DIRAS1: variants seen among roughly 807,000 people sequenced by gnomAD.
The protein encoded by DIRAS1 is GTP-binding protein Di-Ras1.
DIRAS1 carries 3 observed loss-of-function variants against 11.5 expected under a neutral mutation model. That is an observed-to-expected ratio of 0.26 (90% CI 0.12 to 0.67). The LOEUF (loss-of-function observed/expected upper bound fraction) is 0.67. DIRAS1 is among the 30% of genes least tolerant of loss of function. The pLI is 0.80. For synonymous variants in DIRAS1, 128 were observed against 125.8 expected, an observed-to-expected ratio of 1.02 and a Z score of -0.12; for missense variants, 212 against 285.3, an observed-to-expected ratio of 0.74 and a Z score of 1.85.
In DIRAS1 at chr19:2,717,781, C is replaced by G; in HGVS notation, c.26G>C (p.Arg9Pro). MPEQSNDYRVVVFGAGGVG... is the reference protein window; with the variant it reads MPEQSNDYPVVVFGAGGVG... ...GCCGCCCGCCCCGAACACCACCACG[C>G]GGTAATCGTTACTCTGTTCCGGCAT... is the stretch of plus-strand genomic sequence containing the variant. Residue 9 changes from arginine to proline, a missense_variant, in exon 2 of 2, where the codon CGC becomes CCC. Arg to Pro is a moderately radical substitution (Grantham distance 103). This residue lies in a region of DIRAS1 where 128 missense variants were observed against 205.3 expected (regional missense o/e 0.62). Coordinates refer to ENST00000323469, the MANE Select transcript of DIRAS1 (RefSeq NM_145173.4). The G allele has an allele frequency of 6.2e-7, 1 of 1,600,994 alleles. No homozygotes were observed. The highest frequency in any genetic ancestry group is 8.5e-7 in the Non-Finnish European group (1 of 1,179,654).
Position 2,716,766 on chromosome 19 carries a change from A to C in DIRAS1, c.*444T>G, listed in dbSNP as rs1913812778. The C allele has an allele frequency of 5.7e-6, 1 of 176,252 alleles. No individual in the cohort carries two copies. Among genetic ancestry groups the C allele is most frequent in the Non-Finnish European group, 1.2e-5 (1 of 84,096 alleles). The allele number at this position is 176,252 out of a possible 1,614,324, so 10.9% of individuals were successfully genotyped here. A position where few individuals can be genotyped will look rare whatever the true frequency, so the allele number is the denominator to read the frequency against. On this transcript the variant is annotated 3_prime_UTR_variant, in exon 2 of 2. Transcript: ENST00000323469. ...AAAAAAATATCTGAGGCCGATGTGC[A>C]TTTTCAACTCCCCCCTCCCCCAGAA...
In DIRAS1 at chr19:2,715,711, A is replaced by C. The variant is rs1487853474; in HGVS notation, c.*1499T>G. The C allele has an allele frequency of 2.0e-5, 3 of 152,222 alleles. No homozygotes were observed. The allele number at this position is 152,222 out of a possible 1,614,324, so 9.4% of individuals were successfully genotyped here. ...TTTGTTACACAGCAGTAGCTGACTG[A>C]TACAGATTTGGAACCGAAAGTCACA... is the stretch of plus-strand genomic sequence containing the variant. On this transcript the variant is annotated 3_prime_UTR_variant, in exon 2 of 2. Coordinates refer to ENST00000323469, the MANE Select transcript of DIRAS1 (RefSeq NM_145173.4).
rs544062389 is a variant in DIRAS1 at position 2,715,585 on chromosome 19, T to C, written c.*1625A>G. The C allele has an allele frequency of 6.6e-5, 10 of 152,162 alleles. No homozygotes were observed. Among genetic ancestry groups the C allele is most frequent in the African/African-American group, 2.4e-4 (10 of 41,424 alleles). 9.4% of individuals were successfully genotyped at this position (152,162 alleles called of 1,614,324 possible). A position where few individuals can be genotyped will look rare whatever the true frequency, so the allele number is the denominator to read the frequency against. On this transcript the variant is annotated 3_prime_UTR_variant, in exon 2 of 2. Coordinates refer to ENST00000323469, the MANE Select transcript of DIRAS1 (RefSeq NM_145173.4). ...ATGCTTTGATTGCAGCCTCCTGAGA[T>C]CCCAAGTAGAGGACCCAGCCAACCT...
chr19:2,718,174 G>A lies in DIRAS1; in HGVS notation c.-69-299C>T, dbSNP rs1030501601. 2.6e-5 allele frequency among the ~76,000 whole-genome samples: 4 copies of A among 152,210 alleles called. No individual in the cohort carries two copies. Among genetic ancestry groups the A allele is most frequent in the Admixed American group, 6.5e-5 (1 of 15,278 alleles). ...GGGATGCCCACGAAACTCCTTCCCCGGGTGTGGGTGTCCCTTCCAGGCTGT... is the reference window on the plus strand; with the variant it reads ...GGGATGCCCACGAAACTCCTTCCCCAGGTGTGGGTGTCCCTTCCAGGCTGT... On this transcript the variant is annotated intron_variant, in intron 1 of 1. Coordinates refer to ENST00000323469, the MANE Select transcript of DIRAS1 (RefSeq NM_145173.4). This position sits in a 1 kb window ranked among gnomAD's most constrained non-coding sequence, Gnocchi z 4.2.
chr19:2,716,080 T>C lies in DIRAS1; in HGVS notation c.*1130A>G, dbSNP rs1044831696. The C allele has an allele frequency of 6.6e-6, 1 of 152,254 alleles. No homozygotes were observed. The highest frequency in any genetic ancestry group is 2.4e-5 in the African/African-American group (1 of 41,430). 9.4% of individuals were successfully genotyped at this position (152,254 alleles called of 1,614,324 possible). ...ATCCGCGCACCCCAGGTTGCACAAA[T>C]ACACCATTCCATAGCCACTTCCGTG... On this transcript the variant is annotated 3_prime_UTR_variant, in exon 2 of 2. Coordinates refer to ENST00000323469, the MANE Select transcript of DIRAS1 (RefSeq NM_145173.4).
At position 2,716,946 on chromosome 19, in the gene DIRAS1, G is replaced by C. The variant is rs1913819022; in HGVS notation, c.*264C>G. On this transcript the variant is annotated 3_prime_UTR_variant, in exon 2 of 2. Coordinates refer to ENST00000323469, the MANE Select transcript of DIRAS1 (RefSeq NM_145173.4). The stretch of plus-strand genomic sequence containing the variant: ...TCCCCATCCTGTTTTCCCATCTGCA[G>C]GACAAGGGGGCCACCTCCGGCTCTT... 1 of 460,572 alleles carries C rather than the reference G, an allele frequency of 2.2e-6. No individual in the cohort carries two copies. Among genetic ancestry groups the C allele is most frequent in the Non-Finnish European group, 3.8e-6 (1 of 260,824 alleles). 28.5% of individuals were successfully genotyped at this position (460,572 alleles called of 1,614,324 possible).
chr19:2,720,751 G>C (rs547913691), intron 1 of DIRAS1, among the ~76,000 whole-genome samples: 30 of 152,206 alleles, frequency 2.0e-4, no homozygotes, highest in African/African-American at 7.2e-4. Flanking sequence ...GCCTGACCAA[G>C]GGTGGGGCGG....
intron 1 of DIRAS1, among the ~76,000 whole-genome samples, chr19:2,719,783 C>A (rs1913912952): frequency 6.6e-6 from 1 of 152,152 alleles, no homozygotes. Context: ...GAAATGCGAG[C>A]CACTGTTGGG....
intron 1 of DIRAS1, among the ~76,000 whole-genome samples, chr19:2,719,406 C>T (rs1389106768): frequency 6.6e-6 from 1 of 151,712 alleles, no homozygotes; most frequent in East Asian, 1.9e-4. Flanking sequence ...AGGGGCACCT[C>T]TTAGCCCCTC....
At chr19:2,719,509 G>C (rs951430496) in intron 1 of DIRAS1, among the ~76,000 whole-genome samples, 16 of 151,224 alleles carry the variant, frequency 1.1e-4, no homozygotes, top group East Asian at 1.9e-4. Flanking sequence ...AAGAACGCTG[G>C]GGGGAGGGCG....
Position 2,717,921 on chromosome 19 carries a change from G to A in DIRAS1, c.-69-46C>T, listed in dbSNP as rs774740993. 4.4e-6 allele frequency: 5 copies of A among 1,136,906 alleles called. No homozygotes were observed. The East Asian group carries it at 1.3e-4, about 29-fold the overall frequency. 70.4% of individuals were successfully genotyped at this position (1,136,906 alleles called of 1,614,324 possible). On this transcript the variant is annotated intron_variant, in intron 1 of 1. Coordinates refer to ENST00000323469, the MANE Select transcript of DIRAS1 (RefSeq NM_145173.4). ...CACGTCAAAGGCCACCCAGGCTTGA[G>A]GGGACAGCCCCACGCCCCGGGGAGG...
chr19:2,721,034 G>C (rs1913941343), intron 1 of DIRAS1, among the ~76,000 whole-genome samples: 1 of 150,486 alleles, frequency 6.6e-6, no homozygotes, highest in African/African-American at 2.4e-5. Flanking sequence ...GCGGCGGGGT[G>C]GGCCTCGGTG....
Position 2,717,067 on chromosome 19 carries a change from G to T in DIRAS1, c.*143C>A. 7.4e-6 allele frequency: 6 copies of T among 809,306 alleles called. No homozygotes were observed. Among genetic ancestry groups the T allele is most frequent in the Middle Eastern group, 3.7e-4 (1 of 2,728 alleles). 50.1% of individuals were successfully genotyped at this position (809,306 alleles called of 1,614,324 possible). A position where few individuals can be genotyped will look rare whatever the true frequency, so the allele number is the denominator to read the frequency against. ...CCTCGGGGTGGGCAGGGGCAGCGGA[G>T]GGGGGGGCGGTGGCCTCGGTTTCCC... On this transcript the variant is annotated 3_prime_UTR_variant, in exon 2 of 2. Coordinates refer to ENST00000323469, the MANE Select transcript of DIRAS1 (RefSeq NM_145173.4).
In DIRAS1 at chr19:2,717,102, T is replaced by A; in HGVS notation, c.*108A>T. The A allele has an allele frequency of 8.7e-7, 1 of 1,155,078 alleles. No individual in the cohort carries two copies. The highest frequency in any genetic ancestry group is 1.2e-6 in the Non-Finnish European group (1 of 845,226). The allele number at this position is 1,155,078 out of a possible 1,614,324, so 71.6% of individuals were successfully genotyped here. A position where few individuals can be genotyped will look rare whatever the true frequency, so the allele number is the denominator to read the frequency against. On this transcript the variant is annotated 3_prime_UTR_variant, in exon 2 of 2. Transcript: ENST00000323469. ...GTGGCCTCGGTTTCCCCAGCCGAGG[T>A]GTCGGAGGAAGGATGAGAGAAGAGG...
At position 2,718,175 on chromosome 19, in the gene DIRAS1, G is replaced by A. The variant is rs75957907; in HGVS notation, c.-69-300C>T. Among the ~76,000 whole-genome samples, 1,604 of 152,332 alleles carry A rather than the reference G, an allele frequency of 0.011. 36 individuals are homozygous for A. Among genetic ancestry groups the A allele is most frequent in the African/African-American group, 0.036 (1,485 of 41,568 alleles). On this transcript the variant is annotated intron_variant, in intron 1 of 1. Transcript: ENST00000323469. The surrounding 1 kb of genome is among the most constrained non-coding windows in gnomAD (Gnocchi z 4.2). ...GGATGCCCACGAAACTCCTTCCCCGGGTGTGGGTGTCCCTTCCAGGCTGTG... is the reference window on the plus strand; with the variant it reads ...GGATGCCCACGAAACTCCTTCCCCGAGTGTGGGTGTCCCTTCCAGGCTGTG...
rs1484094964 is a variant in DIRAS1, at chr19:2,715,955, C to T, written c.*1255G>A. On this transcript the variant is annotated 3_prime_UTR_variant, in exon 2 of 2. Coordinates refer to ENST00000323469, the MANE Select transcript of DIRAS1 (RefSeq NM_145173.4). ...CTACAACTACCCACCTCTCTGTATA[C>T]CCTACACCACTATTACACACACAGA... is the stretch of plus-strand genomic sequence containing the variant. The T allele has an allele frequency of 2.6e-5, 4 of 152,292 alleles. No homozygotes were observed. The highest frequency in any genetic ancestry group is 5.9e-5 in the Non-Finnish European group (4 of 68,116). 9.4% of individuals were successfully genotyped at this position (152,292 alleles called of 1,614,324 possible). A position where few individuals can be genotyped will look rare whatever the true frequency, so the allele number is the denominator to read the frequency against.
chr19:2,720,663 G>A (rs1007035767), intron 1 of DIRAS1, among the ~76,000 whole-genome samples: 9 of 152,164 alleles, frequency 5.9e-5, no homozygotes, highest in Non-Finnish European at 1.3e-4. Flanking sequence ...CGTGGTTGGT[G>A]GGGGCGGGGG....
rs1255674107 is a variant in DIRAS1, at chr19:2,717,030, GC to G, written c.*179del. The G allele has an allele frequency of 7.8e-6, 5 of 637,852 alleles. No individual in the cohort carries two copies. The highest frequency in any genetic ancestry group is 1.3e-5 in the Non-Finnish European group (5 of 375,050). The allele number at this position is 637,852 out of a possible 1,614,324, so 39.5% of individuals were successfully genotyped here. A position where few individuals can be genotyped will look rare whatever the true frequency, so the allele number is the denominator to read the frequency against. ...GAGAGAGAGCAGGGGAGGAAGAAAA[GC>G]CCCAGCCCTGCCTCGGGGTGGGCAG... On this transcript the variant is annotated 3_prime_UTR_variant, in exon 2 of 2. Transcript: ENST00000323469.
Position 2,715,195 on chromosome 19 carries a change from G to A in DIRAS1, c.*2015C>T, listed in dbSNP as rs148123463. The stretch of plus-strand genomic sequence containing the variant: ...AACATGCTTGTACCAAATCAGACAC[G>A]AGCAATCTGTTACCTACATAGTCCC... On this transcript the variant is annotated 3_prime_UTR_variant, in exon 2 of 2. Transcript: ENST00000323469. The A allele has an allele frequency of 5.9e-5, 9 of 152,292 alleles. No individual in the cohort carries two copies. Among genetic ancestry groups the A allele is most frequent in the African/African-American group, 9.6e-5 (4 of 41,550 alleles). 9.4% of individuals were successfully genotyped at this position (152,292 alleles called of 1,614,324 possible). A position where few individuals can be genotyped will look rare whatever the true frequency, so the allele number is the denominator to read the frequency against.
Sources: allele counts gnomAD v4.1 joint callset (sites outside exome capture counted in the v4.1 genomes callset), GRCh38; gene constraint gnomAD v4.1.1; regional missense constraint gnomAD v4.1.1; non-coding constraint Gnocchi (gnomAD v3.1); transcripts MANE v1.5; gene names NCBI Gene and HGNC (gene_info 2026-07-23, HGNC 2026-07-21).